CDH1: variants seen among roughly 807,000 people sequenced by gnomAD.
CDH1 encodes cadherin 1, also known as cadherin-1.
In CDH1, 35 loss-of-function variants were observed where a neutral mutation model predicts 84.5. That is an observed-to-expected ratio of 0.41 (90% CI 0.32 to 0.55). The LOEUF (loss-of-function observed/expected upper bound fraction) is 0.55. CDH1 is among the 20% of genes least tolerant of loss of function. The pLI is 0.19. For synonymous variants in CDH1, 417 were observed against 439.0 expected, an observed-to-expected ratio of 0.95 and a Z score of 0.63; for missense variants, 994 against 1,126.6, an observed-to-expected ratio of 0.88 and a Z score of 1.68.
At chr16:68,777,424 C>T (rs566744604) in intron 2 of CDH1, among the ~76,000 whole-genome samples, 1 of 152,180 alleles carries the variant, frequency 6.6e-6, no homozygotes, top group African/African-American at 2.4e-5. Flanking sequence ...ATGCAGTGTG[C>T]TCTAGAGCAT....
intron 3 of CDH1, among the ~76,000 whole-genome samples, chr16:68,805,857 A>ATTT (rs1960640958): frequency 6.6e-6 from 1 of 151,996 alleles, no homozygotes; most frequent in African/African-American, 2.4e-5. Flanking sequence ...CTCCCAAAGG[A>ATTT]AAAAGCCTGC....
At chr16:68,797,984 CAGG>C (rs1184459048) in intron 2 of CDH1, among the ~76,000 whole-genome samples, 1 of 151,922 alleles carries the variant, frequency 6.6e-6, no homozygotes, top group East Asian at 1.9e-4. Context: ...GAGGCTGAAG[CAGG>C]AGAATTGCTT....
At position 68,834,070 on chromosome 16, in the gene CDH1, C is replaced by T; in HGVS notation, c.*571C>T. Reference sequence around the variant, plus strand: ...CTCCCAGGCTCAAGCTATCCTTGCACCTCAGCCTCCCAAGTAGCTGGGACC... The same window carrying T: ...CTCCCAGGCTCAAGCTATCCTTGCATCTCAGCCTCCCAAGTAGCTGGGACC... On this transcript the variant is annotated 3_prime_UTR_variant, in exon 16 of 16. Transcript: ENST00000261769. 2.6e-6 allele frequency: 1 copy of T among 382,684 alleles called. No homozygotes were observed. The highest frequency in any genetic ancestry group is 5.1e-6 in the Non-Finnish European group (1 of 196,978). 23.7% of individuals were successfully genotyped at this position (382,684 alleles called of 1,614,324 possible).
At chr16:68,802,616 G>T (rs745525550) in intron 3 of CDH1, among the ~76,000 whole-genome samples, 2 of 151,846 alleles carry the variant, frequency 1.3e-5, no homozygotes, top group Admixed American at 1.3e-4. Context: ...GATTACAGGC[G>T]CCCGCCACCA....
At chr16:68,812,378 T>C in intron 8 of CDH1, 115 bp downstream of exon 8, 3 of 1,167,756 alleles carry the variant, frequency 2.6e-6, no homozygotes, top group Non-Finnish European at 3.8e-6. Flanking sequence ...GACTAGAGAA[T>C]GTTAACTTTA....
chr16:68,824,323 A>G (rs1354673573), intron 13 of CDH1, among the ~76,000 whole-genome samples: 1 of 152,092 alleles, frequency 6.6e-6, no homozygotes, highest in Non-Finnish European at 1.5e-5. Flanking sequence ...ACCAGCTCCC[A>G]GGCGGTACTG....
chr16:68,791,002 G>A (rs1006756642), intron 2 of CDH1, among the ~76,000 whole-genome samples: 20 of 152,200 alleles, frequency 1.3e-4, no homozygotes, highest in African/African-American at 4.8e-4. Context: ...GGGAGGCAAT[G>A]AGGCAATCTG....
At chr16:68,757,576 CAG>C (rs962245004) in intron 2 of CDH1, among the ~76,000 whole-genome samples, 1 of 152,138 alleles carries the variant, frequency 6.6e-6, no homozygotes, top group African/African-American at 2.4e-5. Context: ...CTGGTTTTGA[CAG>C]AGATTTGACT....
intron 2 of CDH1, among the ~76,000 whole-genome samples, chr16:68,761,883 G>C (rs541162312): frequency 5.3e-5 from 8 of 152,292 alleles, no homozygotes; most frequent in African/African-American, 1.9e-4. Flanking sequence ...GGGGGTGGCA[G>C]CATGTGGAGG....
At chr16:68,744,128 A>G (rs983848049) in intron 2 of CDH1, among the ~76,000 whole-genome samples, 5 of 152,230 alleles carry the variant, frequency 3.3e-5, no homozygotes, top group Non-Finnish European at 5.9e-5. Context: ...ACATGAATAA[A>G]TCGCTATCTT....
At chr16:68,780,631 G>T (rs1246239179) in intron 2 of CDH1, among the ~76,000 whole-genome samples, 2 of 152,138 alleles carry the variant, frequency 1.3e-5, no homozygotes, top group African/African-American at 2.4e-5. Flanking sequence ...CTACCTTATT[G>T]TATGTTTTTG....
intron 9 of CDH1, 93 bp downstream of exon 9, chr16:68,813,588 T>C (rs1365096589): frequency 7.8e-6 from 10 of 1,284,038 alleles, no homozygotes; most frequent in Non-Finnish European, 1.1e-5. Context: ...TAGATTCGCT[T>C]TGGCAGGGGG....
At chr16:68,745,473 G>A (rs1362911516) in intron 2 of CDH1, among the ~76,000 whole-genome samples, 1 of 145,352 alleles carries the variant, frequency 6.9e-6, no homozygotes, top group Non-Finnish European at 1.5e-5. Context: ...AGCCCGGGAG[G>A]TCGAGGCTGC....
At chr16:68,748,317 C>T (rs1900134268) in intron 2 of CDH1, among the ~76,000 whole-genome samples, 2 of 150,064 alleles carry the variant, frequency 1.3e-5, no homozygotes, top group Non-Finnish European at 1.5e-5. Flanking sequence ...TCTCCATGTT[C>T]ATCAGGTTGA....
chr16:68,815,865 A>G (rs1175292335), intron 10 of CDH1, 106 bp downstream of exon 10: 1 of 1,314,004 alleles, frequency 7.6e-7, no homozygotes, highest in Non-Finnish European at 1.1e-6. Flanking sequence ...ATTTGTCTGT[A>G]CAAGACCATT....
intron 2 of CDH1, among the ~76,000 whole-genome samples, 163 bp downstream of exon 2, chr16:68,738,574 A>G (rs996492930): frequency 1.3e-5 from 2 of 152,184 alleles, no homozygotes; most frequent in African/African-American, 4.8e-5. Flanking sequence ...AACGTTTACG[A>G]CTGAACACTG....
chr16:68,742,041 G>A (rs1473409690), intron 2 of CDH1, among the ~76,000 whole-genome samples: 5 of 152,096 alleles, frequency 3.3e-5, no homozygotes, highest in Non-Finnish European at 7.3e-5. Flanking sequence ...AGAAACCCAG[G>A]CTATTAGACA....
rs774975562 is a variant in CDH1 at position 68,823,675 on chromosome 16, G to A, written c.2164+49G>A. On this transcript the variant is annotated intron_variant, in intron 13 of 15. Transcript: ENST00000261769. ...CAGCCTTTGACTTAAAAAAATGGAG[G>A]AGGTTTATTTCCTGGAAATGATTTT... 27 of 1,243,934 alleles carry A rather than the reference G, an allele frequency of 2.2e-5. No homozygotes were observed. The South Asian group carries it at 3.1e-4, about 14-fold the overall frequency. 77.1% of individuals were successfully genotyped at this position (1,243,934 alleles called of 1,614,324 possible).
At chr16:68,774,456 C>G (rs1959673698) in intron 2 of CDH1, among the ~76,000 whole-genome samples, 1 of 152,020 alleles carries the variant, frequency 6.6e-6, no homozygotes, top group Admixed American at 6.6e-5. Context: ...GGAGGCAGAG[C>G]TTGCAGTGAG....
Sources: gnomAD v4.1 joint callset for allele counts (sites outside exome capture counted in the v4.1 genomes callset) on GRCh38, gnomAD v4.1.1 for gene constraint, MANE v1.5 for transcripts, NCBI Gene and HGNC (gene_info 2026-07-23, HGNC 2026-07-21) for gene names.